LMX1B: variants seen among roughly 807,000 people sequenced by gnomAD.
LMX1B encodes LIM homeobox transcription factor 1-beta.
In LMX1B, 12 loss-of-function variants were observed where a neutral mutation model predicts 51.4. The observed-to-expected ratio is 0.23, with a 90% CI of 0.15 to 0.38. The LOEUF is 0.38. Ranked by LOEUF, LMX1B falls within the 10% of genes least tolerant of loss-of-function variation. The pLI, the probability that LMX1B is intolerant of heterozygous loss-of-function variation, is 1.00. For missense variants in LMX1B, 445 were observed against 571.1 expected (o/e 0.78, Z 2.25); for synonymous variants, 237 against 235.4 (o/e 1.01, Z -0.06).
chr9:126,646,696 GT>G, intron 2 of LMX1B, among the ~76,000 whole-genome samples: 1 of 152,306 alleles, frequency 6.6e-6, no homozygotes, highest in South Asian at 2.1e-4. Context: ...CAGAGACTGT[GT>G]TCCCAGAACC....
At chr9:126,693,937 G>A (rs552765512) in intron 6 of LMX1B, 125 bp downstream of exon 6, 16 of 615,788 alleles carry the variant, frequency 2.6e-5, no homozygotes, top group East Asian at 2.2e-4. Context: ...GGCTGGGACC[G>A]GGGCTGCACC....
chr9:126,693,601 G>A lies in LMX1B; in HGVS notation c.819G>A (p.Lys273=), dbSNP rs759636142. Reference sequence around the variant, plus strand: ...TCTGGTTTCAGAACCAAAGAGCAAAGGTAAGAGGCCACCCCCCATCCCCAC... The same window carrying A: ...TCTGGTTTCAGAACCAAAGAGCAAAAGTAAGAGGCCACCCCCCATCCCCAC... ...VQVWFQNQRA[K]MKKLARRHQQ... Residue 273 remains lysine (K), a splice_region_variant and synonymous_variant, in exon 5 of 8, where the codon AAG becomes AAA. Coordinates refer to ENST00000373474, the MANE Select transcript of LMX1B (RefSeq NM_001174147.2). The A allele has an allele frequency of 3.1e-6, 5 of 1,614,034 alleles. No homozygotes were observed. The highest frequency in any genetic ancestry group is 4.2e-6 in the Non-Finnish European group (5 of 1,179,980).
intron 2 of LMX1B, among the ~76,000 whole-genome samples, chr9:126,649,168 C>T (rs769240038): frequency 6.6e-6 from 1 of 152,080 alleles, no homozygotes; most frequent in Non-Finnish European, 1.5e-5. Flanking sequence ...CCGTCCCCTT[C>T]ACCTCCCCTA....
chr9:126,627,378 C>T (rs2098579358), intron 2 of LMX1B, among the ~76,000 whole-genome samples: 1 of 152,078 alleles, frequency 6.6e-6, no homozygotes, highest in East Asian at 1.9e-4. Flanking sequence ...CCTGCTTCTT[C>T]CTGCCAGCTG....
intron 2 of LMX1B, among the ~76,000 whole-genome samples, chr9:126,670,713 A>G (rs1836433309): frequency 6.6e-6 from 1 of 152,204 alleles, no homozygotes; most frequent in Admixed American, 6.5e-5. Context: ...CAGTACAGTC[A>G]GTCCTCCCTC....
chr9:126,654,391 T>C (rs566809958), intron 2 of LMX1B, among the ~76,000 whole-genome samples: 19 of 152,262 alleles, frequency 1.2e-4, no homozygotes, highest in African/African-American at 4.6e-4. Flanking sequence ...AGCAAATAAC[T>C]TGGAGGCAGA....
rs1259972118 is a variant in LMX1B at position 126,696,712 on chromosome 9, C to T, written c.*261C>T. 7 of 551,286 alleles carry T rather than the reference C, an allele frequency of 1.3e-5. No individual in the cohort carries two copies. The highest frequency in any genetic ancestry group is 3.2e-5 in the Admixed American group (1 of 30,846). The allele number at this position is 551,286 out of a possible 1,614,324, so 34.1% of individuals were successfully genotyped here. A position where few individuals can be genotyped will look rare whatever the true frequency, so the allele number is the denominator to read the frequency against. On this transcript the variant is annotated 3_prime_UTR_variant, in exon 8 of 8. Transcript: ENST00000373474. Reference sequence around the variant, plus strand: ...GACCCAGAGCTCTCGGACGGCCACTCGCCTCCCAGCCCCACCTCGGCCTCC... The same window carrying T: ...GACCCAGAGCTCTCGGACGGCCACTTGCCTCCCAGCCCCACCTCGGCCTCC...
At chr9:126,646,373 C>T (rs60172576) in intron 2 of LMX1B, among the ~76,000 whole-genome samples, 23,443 of 151,976 alleles carry the variant, frequency 0.15, 2,317 homozygotes, top group East Asian at 0.42. Context: ...CCCATCTATC[C>T]GCTTATCCGC....
At chr9:126,686,609 A>C (rs1422276756) in intron 2 of LMX1B, among the ~76,000 whole-genome samples, 1 of 152,144 alleles carries the variant, frequency 6.6e-6, no homozygotes, top group East Asian at 1.9e-4. Flanking sequence ...TAAGAACTTG[A>C]GGTGAATCGG....
chr9:126,682,083 CTTTTTTTTT>C (rs71377953), intron 2 of LMX1B, among the ~76,000 whole-genome samples: 6 of 53,380 alleles, frequency 1.1e-4, no homozygotes, highest in South Asian at 1.9e-3. Flanking sequence ...TCCCCAGGGT[CTTTTTTTTT>C]TTTTTTTTTT....
chr9:126,664,033 C>A (rs992651518), intron 2 of LMX1B, among the ~76,000 whole-genome samples: 1 of 152,232 alleles, frequency 6.6e-6, no homozygotes, highest in African/African-American at 2.4e-5. Flanking sequence ...GCCAGCTGCA[C>A]CCACGGAGCC....
chr9:126,668,485 G>A (rs979331160), intron 2 of LMX1B, among the ~76,000 whole-genome samples: 33 of 118,326 alleles, frequency 2.8e-4, no homozygotes, highest in Admixed American at 2.2e-3. Flanking sequence ...ATGGAGTCTC[G>A]CTCTGTCGCC....
intron 2 of LMX1B, among the ~76,000 whole-genome samples, chr9:126,636,677 G>A (rs1013229845): frequency 1.3e-5 from 2 of 152,188 alleles, no homozygotes; most frequent in Non-Finnish European, 2.9e-5. Context: ...GCACACGACT[G>A]CAAGTACACG....
chr9:126,668,755 A>G (rs1398402161), intron 2 of LMX1B, among the ~76,000 whole-genome samples: 1 of 152,114 alleles, frequency 6.6e-6, no homozygotes, highest in Admixed American at 6.5e-5. Context: ...TGCCTGGCCC[A>G]GAAGCAGAAT....
intron 2 of LMX1B, among the ~76,000 whole-genome samples, chr9:126,629,473 G>A (rs2118856411): frequency 6.6e-6 from 1 of 152,320 alleles, no homozygotes. Flanking sequence ...TAAGTAACTT[G>A]CCCAAGGTCA....
At chr9:126,621,099 A>T in intron 2 of LMX1B, among the ~76,000 whole-genome samples, 1 of 152,284 alleles carries the variant, frequency 6.6e-6, no homozygotes, top group South Asian at 2.1e-4. Flanking sequence ...AGTTTCTAAA[A>T]AATAAAGAAA....
At chr9:126,644,665 G>T (rs1357428199) in intron 2 of LMX1B, among the ~76,000 whole-genome samples, 3 of 152,132 alleles carry the variant, frequency 2.0e-5, no homozygotes, top group Non-Finnish European at 4.4e-5. Flanking sequence ...TTGCCCTCTG[G>T]CTCAGCCGAG....
chr9:126,693,636 G>A (rs543554891), intron 5 of LMX1B, 35 bp downstream of exon 5: 2 of 1,612,748 alleles, frequency 1.2e-6, no homozygotes, highest in Admixed American at 1.7e-5. Context: ...CTGGCCCCGG[G>A]TAGGGTGGGA....
At chr9:126,663,245 G>A (rs532806998) in intron 2 of LMX1B, among the ~76,000 whole-genome samples, 3 of 151,998 alleles carry the variant, frequency 2.0e-5, no homozygotes, top group African/African-American at 7.2e-5. Flanking sequence ...TGACCAACAT[G>A]GTGAAACCCC....
Sources: gnomAD v4.1 joint callset for allele counts (sites outside exome capture counted in the v4.1 genomes callset) on GRCh38, gnomAD v4.1.1 for gene constraint, MANE v1.5 for transcripts, NCBI Gene and HGNC (gene_info 2026-07-23, HGNC 2026-07-21) for gene names.